Variants in TENM3 observed in about 807,000 individuals in gnomAD.
TENM3 encodes the protein teneurin-3.
In TENM3, 63 loss-of-function variants were observed where a neutral mutation model predicts 255.1. The observed-to-expected ratio is 0.25, with a 90% CI of 0.20 to 0.30. The LOEUF (loss-of-function observed/expected upper bound fraction) is 0.30, where lower values mean the gene tolerates loss of function less well. Ranked by LOEUF, TENM3 falls within the 10% of genes least tolerant of loss-of-function variation. The pLI is 1.00. For missense variants in TENM3, 2,929 were observed against 3,461.1 expected (o/e 0.85, Z 3.86); for synonymous variants, 1,306 against 1,322.3 (o/e 0.99, Z 0.27).
the TENM3 span, among the ~76,000 whole-genome samples, chr4:182,050,113 C>T: frequency 2.6e-5 from 4 of 152,164 alleles, no homozygotes; most frequent in African/African-American, 9.6e-5. Context: ...CTGCCTCAGC[C>T]TGCTGAGTAG....
At chr4:181,967,138 T>C in the TENM3 span, among the ~76,000 whole-genome samples, 1 of 152,168 alleles carries the variant, frequency 6.6e-6, no homozygotes, top group African/African-American at 2.4e-5. Flanking sequence ...TTTCAGAAAC[T>C]GCAAATTACA....
At chr4:181,651,872 C>T in the TENM3 span, among the ~76,000 whole-genome samples, 1 of 152,060 alleles carries the variant, frequency 6.6e-6, no homozygotes, top group Non-Finnish European at 1.5e-5. Flanking sequence ...GTATTGATTG[C>T]ACTTCAATGG....
the TENM3 span, among the ~76,000 whole-genome samples, chr4:181,642,515 T>C: frequency 6.6e-6 from 1 of 151,730 alleles, no homozygotes; most frequent in African/African-American, 2.4e-5. Context: ...TTGCCATTGC[T>C]TTTGGTGTCT....
At position 182,800,212 on chromosome 4, in the gene TENM3, A is replaced by G; in HGVS notation, c.7961A>G (p.Glu2654Gly). 6.3e-7 allele frequency: 1 copy of G among 1,590,610 alleles called. No individual in the cohort carries two copies. The highest frequency in any genetic ancestry group is 8.5e-7 in the Non-Finnish European group (1 of 1,176,786). ...GGCGCGCGCCTCTGGACGGAGGGCGAGAAGCGGCAGCTGCTGAGCGCCGGC... is the reference window on the plus strand; with the variant it reads ...GGCGCGCGCCTCTGGACGGAGGGCGGGAAGCGGCAGCTGCTGAGCGCCGGC... ...EEGARLWTEG[E>G]KRQLLSAGKV... Residue 2654 changes from glutamate (E) to glycine (G), a missense_variant, in exon 28 of 28, where the codon GAG becomes GGG. Around this residue, in one of 6 missense-constraint regions of TENM3, gnomAD observed 476 missense variants for 480.1 expected, o/e 0.99. Coordinates refer to ENST00000511685, the MANE Select transcript of TENM3 (RefSeq NM_001080477.4).
intron 21 of TENM3, 133 bp downstream of exon 21, chr4:182,753,737 T>G: frequency 2.8e-6 from 2 of 702,916 alleles, no homozygotes; most frequent in Non-Finnish European, 4.4e-6. Context: ...GCAGTTCCAT[T>G]TACATGTATC....
intron 1 of TENM3, among the ~76,000 whole-genome samples, chr4:182,250,177 C>G (rs1483614873): frequency 6.6e-6 from 1 of 151,600 alleles, no homozygotes; most frequent in African/African-American, 2.4e-5. Context: ...CTCAGCCTCC[C>G]GAGTAGCTGG....
the TENM3 span, among the ~76,000 whole-genome samples, chr4:182,035,222 A>C: frequency 1.3e-5 from 2 of 152,228 alleles, no homozygotes; most frequent in East Asian, 3.9e-4. Context: ...TTTGTCTTAC[A>C]TGTTGAGTCC....
At chr4:182,432,284 T>C (rs1404188792) in intron 3 of TENM3, among the ~76,000 whole-genome samples, 1 of 152,188 alleles carries the variant, frequency 6.6e-6, no homozygotes, top group Non-Finnish European at 1.5e-5. Flanking sequence ...CAATGTGTTT[T>C]ATGTTCACTA....
Position 182,280,043 on chromosome 4 carries a change from G to C in TENM3, c.-76+36567G>C, listed in dbSNP as rs142020419. Among the ~76,000 whole-genome samples, 108 of 152,256 alleles carry C rather than the reference G, an allele frequency of 7.1e-4. 2 individuals carry two copies. Among genetic ancestry groups the C allele is most frequent in the African/African-American group, 2.5e-3 (103 of 41,540 alleles). ...TGGAGCCATGGGTAGAATTTTTCCT[G>C]AACATTTTCTCAGAGATTGGAGTGT... On this transcript the variant is annotated intron_variant, in intron 1 of 27. Coordinates refer to ENST00000511685, the MANE Select transcript of TENM3 (RefSeq NM_001080477.4).
chr4:181,844,626 C>G, the TENM3 span, among the ~76,000 whole-genome samples: 2 of 151,648 alleles, frequency 1.3e-5, no homozygotes, highest in Non-Finnish European at 2.9e-5. Flanking sequence ...TGAGATCACA[C>G]CACTGCACTC....
intron 1 of TENM3, among the ~76,000 whole-genome samples, chr4:182,160,690 G>A (rs1450799556): frequency 1.3e-5 from 2 of 152,178 alleles, no homozygotes; most frequent in Non-Finnish European, 2.9e-5. Flanking sequence ...GATGGGACAT[G>A]GGGAAGGGGA....
intron 3 of TENM3, among the ~76,000 whole-genome samples, chr4:182,454,733 G>T (rs1773734179): frequency 6.6e-6 from 1 of 152,074 alleles, no homozygotes; most frequent in Non-Finnish European, 1.5e-5. Context: ...GATTTTCCTT[G>T]TGATGTATTT....
intron 3 of TENM3, among the ~76,000 whole-genome samples, chr4:182,376,761 G>A (rs1414489687): frequency 6.6e-6 from 1 of 151,706 alleles, no homozygotes; most frequent in Non-Finnish European, 1.5e-5. Context: ...GGTTGTTTCT[G>A]GTCAAATTAC....
intron 2 of TENM3, among the ~76,000 whole-genome samples, chr4:182,342,226 G>C (rs1764531042): frequency 6.6e-6 from 1 of 152,182 alleles, no homozygotes; most frequent in South Asian, 2.1e-4. Flanking sequence ...AAAAAAGATA[G>C]AGATAACTCA....
At chr4:182,295,312 G>A (rs149689980) in intron 1 of TENM3, among the ~76,000 whole-genome samples, 1 of 122,396 alleles carries the variant, frequency 8.2e-6, no homozygotes, top group Admixed American at 1.1e-4. Context: ...CTGTCTCCCA[G>A]ACTGGAGTGC....
chr4:181,591,252 G>A, the TENM3 span, among the ~76,000 whole-genome samples: 5 of 152,174 alleles, frequency 3.3e-5, no homozygotes, highest in Non-Finnish European at 7.3e-5. Context: ...TGGAATAACT[G>A]AAACTCACAC....
the TENM3 span, among the ~76,000 whole-genome samples, chr4:181,938,702 C>G: frequency 6.6e-6 from 1 of 152,158 alleles, no homozygotes; most frequent in African/African-American, 2.4e-5. Flanking sequence ...CCATTTCGAG[C>G]CCTTTGAGAG....
At chr4:182,006,479 A>G in the TENM3 span, among the ~76,000 whole-genome samples, 1 of 152,060 alleles carries the variant, frequency 6.6e-6, no homozygotes, top group Admixed American at 6.5e-5. Flanking sequence ...CCAAGAATTT[A>G]TACATTTCTT....
chr4:181,815,536 C>T, the TENM3 span, among the ~76,000 whole-genome samples: 26 of 150,078 alleles, frequency 1.7e-4, no homozygotes, highest in African/African-American at 4.9e-4. Context: ...ATAGGTCCCC[C>T]GAAATGTGGG....
Sources: allele counts gnomAD v4.1 joint callset (sites outside exome capture counted in the v4.1 genomes callset), GRCh38; gene constraint gnomAD v4.1.1; regional missense constraint gnomAD v4.1.1; transcripts MANE v1.5; gene names NCBI Gene and HGNC (gene_info 2026-07-23, HGNC 2026-07-21).